VSTM5: variants seen among roughly 807,000 people sequenced by gnomAD.
The protein encoded by VSTM5 is V-set and transmembrane domain containing 5, also known as V-set and transmembrane domain-containing protein 5.
A neutral mutation model predicts 20.3 loss-of-function variants in VSTM5; 21 were observed. That is an observed-to-expected ratio of 1.03 (90% CI 0.73 to 1.49). The LOEUF (loss-of-function observed/expected upper bound fraction) is 1.49, where lower values mean the gene tolerates loss of function less well. VSTM5 is among the 40% of genes most tolerant of loss of function. The pLI is 0.00. For missense variants in VSTM5, 219 were observed against 250.0 expected, an observed-to-expected ratio of 0.88 and a Z score of 0.84; for synonymous variants, 100 against 102.5, an observed-to-expected ratio of 0.98 and a Z score of 0.14.
intron 1 of VSTM5, among the ~76,000 whole-genome samples, chr11:93,833,802 G>A (rs565715952): frequency 1.3e-5 from 2 of 151,942 alleles, no homozygotes; most frequent in Non-Finnish European, 2.9e-5. Context: ...GCATCATCCT[G>A]TGTCCCTCCA....
At chr11:93,847,698 A>G (rs1426473664) in intron 1 of VSTM5, among the ~76,000 whole-genome samples, 5 of 152,248 alleles carry the variant, frequency 3.3e-5, no homozygotes, top group African/African-American at 1.2e-4. Flanking sequence ...AAGGACATGA[A>G]CAAATGTTCT....
intron 1 of VSTM5, among the ~76,000 whole-genome samples, chr11:93,828,389 G>A (rs1005121955): frequency 6.6e-6 from 1 of 152,160 alleles, no homozygotes; most frequent in African/African-American, 2.4e-5. Context: ...ACCACCTACC[G>A]AGCAATGGGC....
intron 1 of VSTM5, among the ~76,000 whole-genome samples, chr11:93,835,719 A>T (rs542610334): frequency 6.6e-6 from 1 of 152,312 alleles, no homozygotes; most frequent in Non-Finnish European, 1.5e-5. Context: ...CTGCCAGTTG[A>T]CAGGCACTTC....
chr11:93,822,568 C>T (rs982446480), intron 1 of VSTM5, among the ~76,000 whole-genome samples: 24 of 152,126 alleles, frequency 1.6e-4, no homozygotes, highest in African/African-American at 5.6e-4. Context: ...ACTCAACCTC[C>T]GCCTCTTGGG....
At chr11:93,845,818 G>C (rs1944407474) in intron 1 of VSTM5, among the ~76,000 whole-genome samples, 1 of 152,154 alleles carries the variant, frequency 6.6e-6, no homozygotes, top group Non-Finnish European at 1.5e-5. Context: ...AGCACCTGCT[G>C]TATGCCTCCA....
chr11:93,824,847 G>T (rs750858239), intron 1 of VSTM5, among the ~76,000 whole-genome samples: 4 of 152,212 alleles, frequency 2.6e-5, no homozygotes, highest in Non-Finnish European at 5.9e-5. Flanking sequence ...TTTTGTGAAT[G>T]ATGTAAGATA....
intron 1 of VSTM5, among the ~76,000 whole-genome samples, chr11:93,842,949 G>A (rs189659923): frequency 1.1e-3 from 168 of 152,144 alleles, no homozygotes; most frequent in South Asian, 5.4e-3. Context: ...AAATTAGCTG[G>A]GTGTGGTGGT....
At chr11:93,847,101 A>G (rs938881245) in intron 1 of VSTM5, among the ~76,000 whole-genome samples, 3 of 152,082 alleles carry the variant, frequency 2.0e-5, no homozygotes, top group Admixed American at 6.6e-5. Flanking sequence ...TTGGAAACTC[A>G]CTTTTTTTCC....
intron 1 of VSTM5, among the ~76,000 whole-genome samples, chr11:93,836,751 G>A (rs1399792572): frequency 6.6e-6 from 1 of 152,178 alleles, no homozygotes; most frequent in African/African-American, 2.4e-5. Flanking sequence ...CCTTTAGACT[G>A]TAAGTTCCAT....
At chr11:93,847,609 A>G (rs558377627) in intron 1 of VSTM5, among the ~76,000 whole-genome samples, 3 of 152,364 alleles carry the variant, frequency 2.0e-5, no homozygotes, top group South Asian at 2.1e-4. Context: ...CTATCCTACT[A>G]TAGTCTTGGA....
At chr11:93,830,759 C>CTT (rs553124123) in intron 1 of VSTM5, among the ~76,000 whole-genome samples, 18 of 136,122 alleles carry the variant, frequency 1.3e-4, no homozygotes, top group Admixed American at 3.7e-4. Flanking sequence ...TCGGTTGGTT[C>CTT]TTTTTTTTTT....
At chr11:93,828,624 G>A (rs1049171496) in intron 1 of VSTM5, among the ~76,000 whole-genome samples, 2 of 152,150 alleles carry the variant, frequency 1.3e-5, no homozygotes, top group Admixed American at 6.5e-5. Context: ...CTGCATTTAA[G>A]GAGTTATAGA....
chr11:93,841,914 A>G (rs1189634398), intron 1 of VSTM5, among the ~76,000 whole-genome samples: 1 of 152,208 alleles, frequency 6.6e-6, no homozygotes, highest in Non-Finnish European at 1.5e-5. Flanking sequence ...GCATTCATGG[A>G]TTCTAGAGTC....
intron 1 of VSTM5, among the ~76,000 whole-genome samples, chr11:93,842,921 G>A (rs1944382218): frequency 6.6e-6 from 1 of 152,048 alleles, no homozygotes; most frequent in East Asian, 1.9e-4. Context: ...GGCCAACATG[G>A]TGAAACCAAA....
intron 1 of VSTM5, among the ~76,000 whole-genome samples, chr11:93,835,605 T>C (rs1944317122): frequency 6.6e-6 from 1 of 152,206 alleles, no homozygotes; most frequent in Non-Finnish European, 1.5e-5. Context: ...ATCCCATCTA[T>C]GCATGCAGCT....
At chr11:93,844,575 C>T (rs1227681806) in intron 1 of VSTM5, among the ~76,000 whole-genome samples, 2 of 152,126 alleles carry the variant, frequency 1.3e-5, no homozygotes, top group South Asian at 2.1e-4. Context: ...TAACATGAGT[C>T]GAAAAGCCTG....
intron 1 of VSTM5, among the ~76,000 whole-genome samples, chr11:93,849,926 T>C (rs1944444814): frequency 6.6e-6 from 1 of 152,214 alleles, no homozygotes. Context: ...TGCTGTGGGT[T>C]CGTCTGACTG....
chr11:93,830,708 G>A (rs566609791), intron 1 of VSTM5, among the ~76,000 whole-genome samples: 1 of 152,036 alleles, frequency 6.6e-6, no homozygotes, highest in African/African-American at 2.4e-5. Flanking sequence ...AGTCTGCTGA[G>A]AGTCAAACAG....
chr11:93,846,400 C>G (rs544994956), intron 1 of VSTM5, among the ~76,000 whole-genome samples: 1 of 152,302 alleles, frequency 6.6e-6, no homozygotes, highest in Non-Finnish European at 1.5e-5. Flanking sequence ...AGCCCGCACC[C>G]CCAACAGCTT....
Sources: allele counts gnomAD v4.1 joint callset (sites outside exome capture counted in the v4.1 genomes callset), GRCh38; gene constraint gnomAD v4.1.1; transcripts MANE v1.5; gene names NCBI Gene and HGNC (gene_info 2026-07-23, HGNC 2026-07-21).